Variants in SMO observed in about 807,000 individuals in gnomAD.
SMO encodes smoothened, frizzled class receptor.
A neutral mutation model predicts 81.6 loss-of-function variants in SMO; 40 were observed. The observed-to-expected ratio is 0.49, with a 90% confidence interval of 0.38 to 0.64. The LOEUF is 0.64. SMO is among the 30% of genes least tolerant of loss of function. The pLI is 0.00. For synonymous variants in SMO, 434 were observed against 432.1 expected (o/e 1.00, Z -0.05); for missense variants, 916 against 1,061.1 (o/e 0.86, Z 1.90).
At position 129,212,540 on chromosome 7, in the gene SMO, C is replaced by T. The variant is rs2075780; in HGVS notation, c.*89C>T. 0.14 allele frequency: 187,366 copies of T among 1,297,932 alleles called. 14,660 individuals carry two copies. Among genetic ancestry groups the T allele is most frequent in the East Asian group, 0.25 (10,626 of 42,708 alleles). 80.4% of individuals were successfully genotyped at this position (1,297,932 alleles called of 1,614,324 possible). A position where few individuals can be genotyped will look rare whatever the true frequency, so the allele number is the denominator to read the frequency against. On this transcript the variant is annotated 3_prime_UTR_variant, in exon 12 of 12. Coordinates refer to ENST00000249373, the MANE Select transcript of SMO (RefSeq NM_005631.5). This position sits in a 1 kb window ranked among gnomAD's most constrained non-coding sequence, Gnocchi z 5.0. ...CACCGAGCATGCTTCCCTAGGATCC[C>T]GTCTTCCAGAGAACCTGTGGGCTGA...
intron 1 of SMO, among the ~76,000 whole-genome samples, chr7:129,193,931 C>A (rs916330155): frequency 2.7e-4 from 39 of 146,322 alleles, no homozygotes; most frequent in Admixed American, 1.3e-3. Flanking sequence ...AAAGTGAGAC[C>A]CCATCTCTAA....
chr7:129,191,296 G>C (rs558422515), intron 1 of SMO, among the ~76,000 whole-genome samples: 1 of 152,366 alleles, frequency 6.6e-6, no homozygotes, highest in East Asian at 1.9e-4. Context: ...CTGCTGAGCA[G>C]ACAGAAGTAG....
At chr7:129,193,427 G>A (rs1459847327) in intron 1 of SMO, among the ~76,000 whole-genome samples, 3 of 152,040 alleles carry the variant, frequency 2.0e-5, no homozygotes, top group African/African-American at 7.2e-5. Context: ...TTTCCTTAGA[G>A]CTATTTCCAA....
chr7:129,205,188 C>T lies in SMO; in HGVS notation c.538-15C>T, dbSNP rs1435439281. On this transcript the variant is annotated splice_polypyrimidine_tract_variant and intron_variant, in intron 2 of 11. Transcript: ENST00000249373. ...GAGCTGCCTTGACACCGTCTTTTCC[C>T]ATCCCTGGTGCCAGAATGAGGTGCA... is the stretch of plus-strand genomic sequence containing the variant. 6.2e-7 allele frequency: 1 copy of T among 1,612,248 alleles called. No individual in the cohort carries two copies. The highest frequency in any genetic ancestry group is 1.1e-5 in the South Asian group (1 of 91,030).
At chr7:129,199,917 A>T (rs2150644709) in intron 1 of SMO, among the ~76,000 whole-genome samples, 1 of 152,224 alleles carries the variant, frequency 6.6e-6, no homozygotes, top group Non-Finnish European at 1.5e-5. Flanking sequence ...GTGTGTCTAT[A>T]GAATTATGCA....
Position 129,211,674 on chromosome 7 carries a change from G to GTC in SMO, c.1843_1844dup (p.Ser616ProfsTer161). ...TGACCTCAATGAGCCCTCAGCTGATGTCTCCTCTGCCTGGGCCCAGCATGT... is the reference window on the plus strand; with the variant it reads ...TGACCTCAATGAGCCCTCAGCTGATGTCTCTCCTCTGCCTGGGCCCAGCATGT... On this transcript the variant is annotated frameshift_variant, in exon 11 of 12. Coordinates refer to ENST00000249373, the MANE Select transcript of SMO (RefSeq NM_005631.5). LOFTEE classifies it high-confidence loss of function. This position sits in a 1 kb window ranked among gnomAD's most constrained non-coding sequence, Gnocchi z 4.6. 2 of 1,613,540 alleles carry GTC rather than the reference G, an allele frequency of 1.2e-6. No individual in the cohort carries two copies. The highest frequency in any genetic ancestry group is 1.7e-6 in the Non-Finnish European group (2 of 1,179,994).
At chr7:129,197,415 A>G (rs1793601118) in intron 1 of SMO, among the ~76,000 whole-genome samples, 1 of 152,070 alleles carries the variant, frequency 6.6e-6, no homozygotes, top group Non-Finnish European at 1.5e-5. Flanking sequence ...TTGATCATAG[A>G]TGGATGTTGA....
At position 129,208,405 on chromosome 7, in the gene SMO, C is replaced by T. The variant is rs1233493066; in HGVS notation, c.1265-354C>T. On this transcript the variant is annotated intron_variant, in intron 6 of 11. Transcript: ENST00000249373. This position sits in a 1 kb window ranked among gnomAD's most constrained non-coding sequence, Gnocchi z 5.2. ...GGCGGAGTTTACAATGAGCCGAGATCACGCCATTGCACTCCAGCCTGGGCG... is the reference window on the plus strand; with the variant it reads ...GGCGGAGTTTACAATGAGCCGAGATTACGCCATTGCACTCCAGCCTGGGCG... Among the ~76,000 whole-genome samples the T allele has an allele frequency of 3.3e-5, 5 of 151,878 alleles. No individual in the cohort carries two copies. The highest frequency in any genetic ancestry group is 6.6e-5 in the Admixed American group (1 of 15,234).
chr7:129,197,283 A>G (rs1466228608), intron 1 of SMO, among the ~76,000 whole-genome samples: 1 of 152,186 alleles, frequency 6.6e-6, no homozygotes, highest in African/African-American at 2.4e-5. Context: ...CTGGATTCTA[A>G]AAAGAAAGCT....
At chr7:129,192,768 A>G (rs1327251845) in intron 1 of SMO, among the ~76,000 whole-genome samples, 10 of 152,194 alleles carry the variant, frequency 6.6e-5, no homozygotes, top group Non-Finnish European at 1.5e-4. Flanking sequence ...TAGAGGAAGA[A>G]GAAGTTTAGG....
At chr7:129,201,166 C>A (rs1347274294) in intron 1 of SMO, among the ~76,000 whole-genome samples, 2 of 152,002 alleles carry the variant, frequency 1.3e-5, no homozygotes, top group Non-Finnish European at 1.5e-5. Flanking sequence ...CCTGCCTCAG[C>A]CTCCTGAGTA....
rs201246258 is a variant in SMO at position 129,205,260 on chromosome 7, C to T, written c.595C>T (p.Arg199Trp). The change falls in exon 3 of 12, where the codon CGG becomes TGG. Residue 199 changes from arginine to tryptophan, a missense_variant. Physicochemically the swap from Arg to Trp is moderately radical, Grantham distance 101. This residue lies in a region of SMO where 436 missense variants were observed against 570.9 expected (regional missense o/e 0.76). Transcript: ENST00000249373. ...SSGQCEVPLV[R>W]TDNPKSWYED... ...AGGCCAGTGCGAAGTGCCCTTGGTT[C>T]GGACAGACAACCCCAAGAGCTGGTA... The T allele has an allele frequency of 4.8e-5, 78 of 1,614,218 alleles. No individual in the cohort carries two copies. The highest frequency in any genetic ancestry group is 2.7e-4 in the East Asian group (12 of 44,888).
chr7:129,209,427 T>C (rs1793828718), intron 8 of SMO, 30 bp downstream of exon 8: 2 of 1,491,364 alleles, frequency 1.3e-6, no homozygotes, highest in African/African-American at 1.4e-5. Context: ...GCGGCAGTGC[T>C]GGGAGCTGGA....
At chr7:129,201,633 G>A (rs901301870) in intron 1 of SMO, among the ~76,000 whole-genome samples, 1 of 152,074 alleles carries the variant, frequency 6.6e-6, no homozygotes, top group Non-Finnish European at 1.5e-5. Flanking sequence ...TTTTCTGCAA[G>A]TACCTATGTA....
At chr7:129,191,157 T>C (rs925175154) in intron 1 of SMO, among the ~76,000 whole-genome samples, 2 of 152,190 alleles carry the variant, frequency 1.3e-5, no homozygotes, top group Non-Finnish European at 2.9e-5. Flanking sequence ...CTCTCTTTAT[T>C]GATTGTGCAA....
At chr7:129,204,927 C>T (rs1793738054) in intron 2 of SMO, among the ~76,000 whole-genome samples, 1 of 151,754 alleles carries the variant, frequency 6.6e-6, no homozygotes, top group South Asian at 2.1e-4. Context: ...GGAGAATTGC[C>T]CGGGAGGCAG....
At chr7:129,202,876 T>TA (rs1793693561) in intron 1 of SMO, among the ~76,000 whole-genome samples, 2 of 152,262 alleles carry the variant, frequency 1.3e-5, no homozygotes, top group Admixed American at 1.3e-4. Context: ...TACCACTCCC[T>TA]AGCAGGGCAT....
In SMO at chr7:129,205,287, G is replaced by A. The variant is rs878919378; in HGVS notation, c.622G>A (p.Glu208Lys). The A allele has an allele frequency of 1.9e-6, 3 of 1,614,216 alleles. No individual in the cohort carries two copies. The highest frequency in any genetic ancestry group is 1.6e-4 in the Middle Eastern group (1 of 6,062). Residue 208 changes from glutamate (E) to lysine (K), a missense_variant, in exon 3 of 12, where the codon GAG (glutamate) becomes AAG (lysine). Glu to Lys is a moderately conservative substitution (Grantham distance 56). Coordinates refer to ENST00000249373, the MANE Select transcript of SMO (RefSeq NM_005631.5). ...GACAGACAACCCCAAGAGCTGGTAC[G>A]AGGACGTGGAGGGCTGCGGCATCCA... ...VRTDNPKSWY[E>K]DVEGCGIQCQ...
intron 1 of SMO, among the ~76,000 whole-genome samples, chr7:129,191,485 A>G (rs1055957733): frequency 7.2e-5 from 11 of 152,012 alleles, no homozygotes; most frequent in African/African-American, 2.2e-4. Flanking sequence ...CCCTCAGCTC[A>G]TTCCTGTTTC....
Sources: gnomAD v4.1 joint callset for allele counts (sites outside exome capture counted in the v4.1 genomes callset) on GRCh38, gnomAD v4.1.1 for gene constraint, gnomAD v4.1.1 regional missense constraint, Gnocchi (gnomAD v3.1) non-coding constraint, MANE v1.5 for transcripts, NCBI Gene and HGNC (gene_info 2026-07-23, HGNC 2026-07-21) for gene names.